Variants in SESN2 observed in about 807,000 individuals in gnomAD.
The protein encoded by SESN2 is sestrin-2.
Under a neutral mutation model 56.0 loss-of-function variants are expected in SESN2, and 42 were observed. The observed-to-expected ratio is 0.75, with a 90% CI of 0.59 to 0.97. SESN2 has a LOEUF of 0.97. Ranked by LOEUF, SESN2 falls within the 50% of genes least tolerant of loss-of-function variation. SESN2 has a pLI of 0.00. For synonymous variants in SESN2, 264 were observed against 267.1 expected (o/e 0.99, Z 0.11); for missense variants, 507 against 649.4 (o/e 0.78, Z 2.38).
rs780672921 is a variant in SESN2, at chr1:28,272,486, G to C, written c.537+20G>C. 2.5e-6 allele frequency: 4 copies of C among 1,609,822 alleles called. No homozygotes were observed. Among genetic ancestry groups the C allele is most frequent in the Non-Finnish European group, 3.4e-6 (4 of 1,178,508 alleles). On this transcript the variant is annotated intron_variant, in intron 4 of 9. Coordinates refer to ENST00000253063, the MANE Select transcript of SESN2 (RefSeq NM_031459.5). ...ATCCAGGTGCAGGGGGCAGAGAGGC[G>C]GGTGTCTGAGGGAGCACAGAGGCCT...
intron 1 of SESN2, 67 bp downstream of exon 1, chr1:28,260,004 C>T (rs1381971119): frequency 2.4e-6 from 3 of 1,252,136 alleles, no homozygotes; most frequent in Admixed American, 5.1e-5. Context: ...CTCAGGCTGT[C>T]CGGAGCTGAG....
Position 28,272,664 on chromosome 1 carries a change from C to G in SESN2, c.621C>G (p.Leu207=). 6.2e-7 allele frequency: 1 copy of G among 1,614,112 alleles called. No individual in the cohort carries two copies. Among genetic ancestry groups the G allele is most frequent in the Non-Finnish European group, 8.5e-7 (1 of 1,179,980 alleles). ...ALVLLTHCHS[L]SSFVFGCGIL... Reference sequence around the variant, plus strand: ...TCCTGCTCACCCACTGCCACTCGCTCTCCTCCTTCGTGTTTGGCTGTGGCA... The same window carrying G: ...TCCTGCTCACCCACTGCCACTCGCTGTCCTCCTTCGTGTTTGGCTGTGGCA... Residue 207 remains leucine (L), a synonymous_variant, in exon 5 of 10, where the codon CTC becomes CTG. Coordinates refer to ENST00000253063, the MANE Select transcript of SESN2 (RefSeq NM_031459.5).
chr1:28,265,165 T>A (rs141283174), intron 1 of SESN2, among the ~76,000 whole-genome samples: 2 of 152,334 alleles, frequency 1.3e-5, no homozygotes, highest in African/African-American at 4.8e-5. Flanking sequence ...AGCCTTGTTA[T>A]GCACCATTGT....
chr1:28,280,772 C>G lies in SESN2; in HGVS notation c.1413C>G (p.Ala471=). The G allele has an allele frequency of 1.2e-6, 2 of 1,613,698 alleles. No homozygotes were observed. Among genetic ancestry groups the G allele is most frequent in the Non-Finnish European group, 1.7e-6 (2 of 1,179,982 alleles). ...EARMQAALLY[A]LRAITRYMT ...GCATGCAAGCCGCTCTGCTGTACGC[C>G]CTCCGTGCCATCACCCGCTACATGA... Residue 471 remains alanine (A), a synonymous_variant, in exon 10 of 10, where the codon GCC becomes GCG. Coordinates refer to ENST00000253063, the MANE Select transcript of SESN2 (RefSeq NM_031459.5).
rs1647674326 is a variant in SESN2, at chr1:28,269,322, T to C, written c.156+74T>C. 7.5e-6 allele frequency: 7 copies of C among 939,186 alleles called. No homozygotes were observed. In the South Asian group the frequency reaches 1.1e-4, roughly 14 times the overall value. The allele number at this position is 939,186 out of a possible 1,614,324, so 58.2% of individuals were successfully genotyped here. ...ATGGCATATTGGTAGGCAGGCATCT[T>C]TTCCTGTTCTTTAAATTGCAGCTTT... On this transcript the variant is annotated intron_variant, in intron 2 of 9. Transcript: ENST00000253063.
At chr1:28,264,278 A>AGC (rs1212262078) in intron 1 of SESN2, among the ~76,000 whole-genome samples, 1 of 151,976 alleles carries the variant, frequency 6.6e-6, no homozygotes, top group Non-Finnish European at 1.5e-5. Context: ...AAGATCACGC[A>AGC]ACTGCACTCC....
chr1:28,273,353 T>C lies in SESN2; in HGVS notation c.751-5T>C. 6.3e-7 allele frequency: 1 copy of C among 1,583,194 alleles called. No homozygotes were observed. Among genetic ancestry groups the C allele is most frequent in the Non-Finnish European group, 8.6e-7 (1 of 1,164,274 alleles). On this transcript the variant is annotated splice_region_variant and splice_polypyrimidine_tract_variant and intron_variant, in intron 5 of 9. Transcript: ENST00000253063. The stretch of plus-strand genomic sequence containing the variant: ...TAGCTGGTCACCACGGGGCCTCTCC[T>C]GCAGGGCTTTGAGTCTGCCCGCGAC...
Position 28,280,724 on chromosome 1 carries a change from G to T in SESN2, c.1365G>T (p.Val455=). 6.2e-7 allele frequency: 1 copy of T among 1,613,138 alleles called. No homozygotes were observed. Residue 455 remains valine (V), a synonymous_variant, in exon 10 of 10, where the codon GTG becomes GTT. Coordinates refer to ENST00000253063, the MANE Select transcript of SESN2 (RefSeq NM_031459.5). ...RHFRHSEKVH[V]NLLLLEARMQ... The stretch of plus-strand genomic sequence containing the variant: ...CTTCCTCTGTGCCCCAGGTCCACGT[G>T]AACTTGCTGCTCCTGGAGGCGCGCA...
rs777781076 is a variant in SESN2, at chr1:28,280,842, G to A, written c.*40G>A. ...CTGGGCCCGGTTCAGCTCCCCACAA[G>A]GACTTCTCTGTCTGGAGACAGCCCC... On this transcript the variant is annotated 3_prime_UTR_variant, in exon 10 of 10. Transcript: ENST00000253063. 5.3e-6 allele frequency: 8 copies of A among 1,495,896 alleles called. No individual in the cohort carries two copies. The African/African-American group carries it at 1.1e-4, about 21-fold the overall frequency. The allele number at this position is 1,495,896 out of a possible 1,614,324, so 92.7% of individuals were successfully genotyped here.
chr1:28,267,995 G>A (rs1275338185), intron 1 of SESN2, among the ~76,000 whole-genome samples: 1 of 152,186 alleles, frequency 6.6e-6, no homozygotes, highest in Non-Finnish European at 1.5e-5. Flanking sequence ...GCCAGAAAAA[G>A]GTTCCTAGAC....
intron 1 of SESN2, among the ~76,000 whole-genome samples, chr1:28,267,042 C>A (rs541884605): frequency 6.6e-6 from 1 of 152,288 alleles, no homozygotes; most frequent in African/African-American, 2.4e-5. Context: ...CTGCCTCCCC[C>A]AGTTTTGCTC....
At chr1:28,261,727 T>C (rs1193712525) in intron 1 of SESN2, among the ~76,000 whole-genome samples, 2 of 151,988 alleles carry the variant, frequency 1.3e-5, no homozygotes, top group Non-Finnish European at 1.5e-5. Flanking sequence ...ACAGAAGCCA[T>C]GTTTCCTCAG....
intron 1 of SESN2, among the ~76,000 whole-genome samples, chr1:28,267,264 G>A (rs1367868658): frequency 6.6e-6 from 1 of 152,160 alleles, no homozygotes; most frequent in Non-Finnish European, 1.5e-5. Context: ...CCAGAAGTGT[G>A]GGCTGAAGGG....
At chr1:28,273,570 G>A (rs1647875806) in intron 6 of SESN2, 62 bp downstream of exon 6, 2 of 1,417,960 alleles carry the variant, frequency 1.4e-6, no homozygotes, top group South Asian at 2.9e-5. Context: ...CTCTGGTGAG[G>A]AGGAGCCACC....
At chr1:28,278,676 A>G (rs1648131304) in intron 8 of SESN2, among the ~76,000 whole-genome samples, 1 of 152,246 alleles carries the variant, frequency 6.6e-6, no homozygotes, top group African/African-American at 2.4e-5. Flanking sequence ...TGCCTTGTTG[A>G]TCATGAAAAA....
chr1:28,266,110 TTC>T (rs1390386413), intron 1 of SESN2, among the ~76,000 whole-genome samples: 5 of 152,230 alleles, frequency 3.3e-5, no homozygotes, highest in African/African-American at 4.8e-5. Flanking sequence ...AACAAATTAA[TTC>T]TGTTTCCACC....
chr1:28,276,570 CTTTTT>C (rs57474365), intron 8 of SESN2, among the ~76,000 whole-genome samples: 2 of 94,734 alleles, frequency 2.1e-5, no homozygotes, highest in African/African-American at 9.3e-5. Flanking sequence ...TTTTTCTTTC[CTTTTT>C]TTTTTTTTTT....
intron 1 of SESN2, among the ~76,000 whole-genome samples, chr1:28,267,315 G>A (rs1178234103): frequency 6.6e-6 from 1 of 152,144 alleles, no homozygotes; most frequent in Non-Finnish European, 1.5e-5. Flanking sequence ...GAAGGTAGCT[G>A]GGCTACTTTA....
chr1:28,261,455 A>G (rs999436267), intron 1 of SESN2, among the ~76,000 whole-genome samples: 2 of 152,190 alleles, frequency 1.3e-5, no homozygotes, highest in Non-Finnish European at 2.9e-5. Context: ...GTTTCTTCCC[A>G]TGGGGATTTT....
Sources: allele counts gnomAD v4.1 joint callset (sites outside exome capture counted in the v4.1 genomes callset), GRCh38; gene constraint gnomAD v4.1.1; transcripts MANE v1.5; gene names NCBI Gene and HGNC (gene_info 2026-07-23, HGNC 2026-07-21).